SORCS1: variants seen among roughly 807,000 people sequenced by gnomAD.
SORCS1 encodes the protein sortilin related VPS10 domain containing receptor 1.
A neutral mutation model predicts 146.1 loss-of-function variants in SORCS1; 60 were observed. The observed-to-expected ratio is 0.41, with a 90% CI of 0.33 to 0.51. The LOEUF (loss-of-function observed/expected upper bound fraction) is 0.51. SORCS1 is among the 20% of genes least tolerant of loss of function. The pLI, the probability that SORCS1 is intolerant of heterozygous loss-of-function variation, is 0.21. For synonymous variants in SORCS1, 637 were observed against 584.0 expected (o/e 1.09, Z -1.31); for missense variants, 1,352 against 1,487.6 (o/e 0.91, Z 1.50).
chr10:106,948,833 C>T (rs1412014695), intron 2 of SORCS1, among the ~76,000 whole-genome samples: 6 of 151,704 alleles, frequency 4.0e-5, no homozygotes, highest in South Asian at 2.1e-4. Context: ...TGGTGGCAGG[C>T]GCCTGTAGTC....
chr10:106,728,514 G>A (rs530208977), intron 6 of SORCS1, among the ~76,000 whole-genome samples: 1 of 152,272 alleles, frequency 6.6e-6, no homozygotes, highest in Admixed American at 6.5e-5. Flanking sequence ...ATGATGGTCA[G>A]CCTTGATCCC....
At chr10:106,739,499 A>G (rs1469700891) in intron 5 of SORCS1, among the ~76,000 whole-genome samples, 1 of 150,906 alleles carries the variant, frequency 6.6e-6, no homozygotes, top group Non-Finnish European at 1.5e-5. Context: ...AAAGAAAAAA[A>G]AAAAAAAGGA....
intron 1 of SORCS1, among the ~76,000 whole-genome samples, chr10:107,128,153 T>G (rs1191703007): frequency 6.6e-6 from 1 of 152,220 alleles, no homozygotes; most frequent in Admixed American, 6.5e-5. Flanking sequence ...ACAAATTCCA[T>G]AGCACTTCCA....
At chr10:106,921,104 T>A (rs1409734245) in intron 2 of SORCS1, among the ~76,000 whole-genome samples, 1 of 152,172 alleles carries the variant, frequency 6.6e-6, no homozygotes, top group Non-Finnish European at 1.5e-5. Flanking sequence ...GCATCAGATC[T>A]CAATCTACAA....
chr10:106,772,739 A>C (rs1185529146), intron 4 of SORCS1, among the ~76,000 whole-genome samples: 1 of 152,134 alleles, frequency 6.6e-6, no homozygotes, highest in East Asian at 1.9e-4. Context: ...TCTATCTTGG[A>C]CCAGAAAGGA....
intron 4 of SORCS1, among the ~76,000 whole-genome samples, chr10:106,768,829 A>G (rs1859770898): frequency 6.6e-6 from 1 of 152,194 alleles, no homozygotes; most frequent in Non-Finnish European, 1.5e-5. Context: ...GCTGGCATCT[A>G]TGCCATGTTT....
chr10:106,697,456 A>AAAAT (rs71025547), intron 9 of SORCS1, among the ~76,000 whole-genome samples: 1 of 10,936 alleles, frequency 9.1e-5, no homozygotes, highest in African/African-American at 1.1e-4. Flanking sequence ...ACTCCATCTC[A>AAAAT]AAATAAATAA....
chr10:106,791,169 T>C (rs1364432242), intron 3 of SORCS1, among the ~76,000 whole-genome samples: 1 of 152,200 alleles, frequency 6.6e-6, no homozygotes, highest in Non-Finnish European at 1.5e-5. Flanking sequence ...TTAACCTGCT[T>C]TTCCCACTTT....
At chr10:107,093,980 C>T (rs754955436) in intron 1 of SORCS1, among the ~76,000 whole-genome samples, 7 of 152,168 alleles carry the variant, frequency 4.6e-5, no homozygotes, top group Non-Finnish European at 8.8e-5. Flanking sequence ...ACATAGCTCA[C>T]TCCCATGCCA....
At chr10:106,750,654 G>T (rs978729263) in intron 5 of SORCS1, among the ~76,000 whole-genome samples, 1 of 138,854 alleles carries the variant, frequency 7.2e-6, no homozygotes, top group Non-Finnish European at 1.5e-5. Context: ...GCGTGAACCT[G>T]GGAGACGGAA....
rs1956391937 is a variant in SORCS1 at position 106,984,726 on chromosome 10, C to G, written c.559-28146G>C. ...TTAATTGTAAAAGTTACTATTATCA[C>G]CACCATTCATGTGGTAGTAAAGAGC... On this transcript the variant is annotated intron_variant, in intron 1 of 25. Coordinates refer to ENST00000263054, the MANE Select transcript of SORCS1 (RefSeq NM_052918.5). Among the ~76,000 whole-genome samples the G allele has an allele frequency of 3.3e-5, 5 of 151,912 alleles. No homozygotes were observed. The East Asian group carries it at 9.8e-4, about 30-fold the overall frequency.
chr10:106,865,595 G>A (rs1296225294), intron 2 of SORCS1, among the ~76,000 whole-genome samples: 1 of 151,394 alleles, frequency 6.6e-6, no homozygotes, highest in Non-Finnish European at 1.5e-5. Flanking sequence ...CGTGGCAGCG[G>A]GCACCTGTAA....
At chr10:106,679,132 A>C in intron 12 of SORCS1, 124 bp downstream of exon 12, 1 of 618,334 alleles carries the variant, frequency 1.6e-6, no homozygotes, top group Non-Finnish European at 2.9e-6. Context: ...AGGAAAAATA[A>C]ACATATTCAC....
At chr10:106,810,498 T>G (rs1947403346) in intron 3 of SORCS1, among the ~76,000 whole-genome samples, 1 of 152,228 alleles carries the variant, frequency 6.6e-6, no homozygotes, top group Non-Finnish European at 1.5e-5. Flanking sequence ...CAGAGTCACT[T>G]GCTGTGCTAA....
At chr10:106,673,856 C>A (rs1256040082) in intron 14 of SORCS1, among the ~76,000 whole-genome samples, 1 of 152,068 alleles carries the variant, frequency 6.6e-6, no homozygotes, top group Non-Finnish European at 1.5e-5. Flanking sequence ...TGAAGAAAAG[C>A]CATGAAGTGG....
intron 13 of SORCS1, among the ~76,000 whole-genome samples, chr10:106,675,923 C>G (rs1305333309): frequency 6.6e-6 from 1 of 152,066 alleles, no homozygotes; most frequent in African/African-American, 2.4e-5. Flanking sequence ...AAAGTGGAAC[C>G]CTCATCAGAC....
At chr10:106,598,571 C>A (rs1199440882) in intron 23 of SORCS1, among the ~76,000 whole-genome samples, 15 of 152,154 alleles carry the variant, frequency 9.9e-5, no homozygotes, top group Middle Eastern at 3.4e-3. Flanking sequence ...ACTCCTATTA[C>A]TTTTATCTGG....
At chr10:106,738,480 T>C (rs1292530154) in intron 5 of SORCS1, among the ~76,000 whole-genome samples, 1 of 151,586 alleles carries the variant, frequency 6.6e-6, no homozygotes, top group Admixed American at 6.6e-5. Flanking sequence ...CCTAGAAGAG[T>C]TGTGGTCAGA....
Position 106,633,805 on chromosome 10 carries a change from AT to A in SORCS1, c.2476-4418del, listed in dbSNP as rs1848572836. On this transcript the variant is annotated intron_variant, in intron 18 of 25. Transcript: ENST00000263054. ...TATCAACATCTTTTTTAGGAGTTTT[AT>A]TTCTTAATCTGGATGTCCAACTACT... Among the ~76,000 whole-genome samples the A allele has an allele frequency of 2.0e-5, 3 of 152,086 alleles. No homozygotes were observed. In the South Asian group the frequency reaches 6.2e-4, roughly 32 times the overall value.
Sources: gnomAD v4.1 joint callset for allele counts (sites outside exome capture counted in the v4.1 genomes callset) on GRCh38, gnomAD v4.1.1 for gene constraint, MANE v1.5 for transcripts, NCBI Gene and HGNC (gene_info 2026-07-23, HGNC 2026-07-21) for gene names.